The following PRKCE variants were observed in gnomAD, a reference collection of about 807,000 sequenced individuals.
PRKCE encodes protein kinase C epsilon.
Under a neutral mutation model 85.4 loss-of-function variants are expected in PRKCE, and 16 were observed. The observed-to-expected ratio is 0.19, with a 90% CI of 0.13 to 0.28. The LOEUF (loss-of-function observed/expected upper bound fraction) is 0.28. Ranked by LOEUF, PRKCE falls within the 10% of genes least tolerant of loss-of-function variation. PRKCE has a pLI of 1.00. For missense variants in PRKCE, 573 were observed against 975.2 expected, an observed-to-expected ratio of 0.59 and a Z score of 5.49; for synonymous variants, 388 against 371.5, an observed-to-expected ratio of 1.04 and a Z score of -0.51.
rs1170933914 is a variant in PRKCE at position 46,085,736 on chromosome 2, GTTTTTTTT to G, written c.1438-467_1438-460del. ...TCACTTAATTACATCTGCAAAATCC[GTTTTTTTT>G]TTTTGTTTTTGTTTTTTTTTTTTTT... On this transcript the variant is annotated intron_variant, in intron 10 of 14. Coordinates refer to ENST00000306156, the MANE Select transcript of PRKCE (RefSeq NM_005400.3). Among the ~76,000 whole-genome samples the G allele has an allele frequency of 4.3e-4, 45 of 104,564 alleles. 5 individuals carry two copies. The highest frequency in any genetic ancestry group is 2.7e-4 in the Non-Finnish European group (15 of 54,934). 68.6% of individuals were successfully genotyped at this position (104,564 alleles called of 152,430 possible).
chr2:46,119,416 G>A (rs991289362), intron 11 of PRKCE, among the ~76,000 whole-genome samples: 1 of 152,062 alleles, frequency 6.6e-6, no homozygotes, highest in African/African-American at 2.4e-5. Flanking sequence ...AATAAAGTGG[G>A]TGGGGGGAGA....
At chr2:45,773,157 C>G (rs1314044888) in intron 1 of PRKCE, among the ~76,000 whole-genome samples, 1 of 152,158 alleles carries the variant, frequency 6.6e-6, no homozygotes, top group Non-Finnish European at 1.5e-5. Flanking sequence ...GTCATAAACC[C>G]AAGAAGATCC....
chr2:45,865,873 A>AG (rs1261145149), intron 2 of PRKCE, among the ~76,000 whole-genome samples: 2 of 143,096 alleles, frequency 1.4e-5, no homozygotes, highest in East Asian at 4.1e-4. Context: ...GCAGGAGTGC[A>AG]GTGATACAAT....
At chr2:45,769,060 G>T (rs1466106609) in intron 1 of PRKCE, among the ~76,000 whole-genome samples, 1 of 152,186 alleles carries the variant, frequency 6.6e-6, no homozygotes, top group Non-Finnish European at 1.5e-5. Context: ...GATTTAAATT[G>T]TTTGTTGCCA....
At chr2:45,843,143 C>G in intron 2 of PRKCE, 80 bp downstream of exon 2, 1 of 1,239,950 alleles carries the variant, frequency 8.1e-7, no homozygotes, top group Middle Eastern at 2.0e-4. Context: ...CCCCCTTGGC[C>G]GGAACACATT....
intron 2 of PRKCE, among the ~76,000 whole-genome samples, chr2:45,880,936 G>A (rs1038249812): frequency 2.8e-4 from 42 of 152,088 alleles, no homozygotes; most frequent in African/African-American, 8.7e-4. Context: ...GGCGGATCAC[G>A]AGGTCAGGAG....
chr2:46,007,414 G>C (rs1374577374), intron 8 of PRKCE, 48 bp from the exon 9 acceptor site: 6 of 1,578,494 alleles, frequency 3.8e-6, no homozygotes, highest in South Asian at 2.2e-5. Context: ...AATGTAACAG[G>C]CTTAAGAGGT....
intron 11 of PRKCE, among the ~76,000 whole-genome samples, chr2:46,104,670 G>A (rs1671553220): frequency 6.6e-6 from 1 of 152,140 alleles, no homozygotes; most frequent in Non-Finnish European, 1.5e-5. Context: ...AACTTATGAG[G>A]TTCCAGATGG....
intron 5 of PRKCE, among the ~76,000 whole-genome samples, chr2:45,982,187 A>T (rs1008346165): frequency 4.6e-5 from 7 of 151,978 alleles, no homozygotes; most frequent in Non-Finnish European, 5.9e-5. Flanking sequence ...AGTCTCCCTT[A>T]GTGTCAGTGT....
intron 2 of PRKCE, among the ~76,000 whole-genome samples, chr2:45,914,754 A>G (rs904403916): frequency 1.3e-5 from 2 of 152,144 alleles, no homozygotes; most frequent in Admixed American, 6.5e-5. Flanking sequence ...TGTTGCTTTT[A>G]TTGGTTTGGC....
chr2:45,736,184 C>T (rs1185754642), intron 1 of PRKCE, among the ~76,000 whole-genome samples: 1 of 152,194 alleles, frequency 6.6e-6, no homozygotes, highest in Non-Finnish European at 1.5e-5. Context: ...TGGTCTTGAA[C>T]TCCTGGCTTC....
At chr2:46,182,562 C>T (rs905295600) in intron 14 of PRKCE, among the ~76,000 whole-genome samples, 6 of 152,052 alleles carry the variant, frequency 3.9e-5, no homozygotes, top group Non-Finnish European at 5.9e-5. Context: ...CTGTGTGTCC[C>T]CCCCTTCCCC....
chr2:45,963,871 A>G (rs180698034), intron 2 of PRKCE, among the ~76,000 whole-genome samples: 1 of 152,358 alleles, frequency 6.6e-6, no homozygotes, highest in East Asian at 1.9e-4. Context: ...AGTTTGAGGA[A>G]CTAAAAAGTT....
intron 1 of PRKCE, among the ~76,000 whole-genome samples, chr2:45,807,173 A>G (rs1339207632): frequency 2.6e-5 from 4 of 152,206 alleles, no homozygotes; most frequent in African/African-American, 9.6e-5. Context: ...CAGTTTTTTC[A>G]TCTGTAAAAT....
rs934518313 is a variant in PRKCE, at chr2:46,176,116, T to A, written c.2068-8619T>A. On this transcript the variant is annotated intron_variant, in intron 14 of 14. Coordinates refer to ENST00000306156, the MANE Select transcript of PRKCE (RefSeq NM_005400.3). ...AAATGGCAAAAAGCAGACCTGTTATTTTGCCTCCAATTTTCCCCAAAGAGA... is the reference window on the plus strand; with the variant it reads ...AAATGGCAAAAAGCAGACCTGTTATATTGCCTCCAATTTTCCCCAAAGAGA... Among the ~76,000 whole-genome samples, 63 of 152,180 alleles carry A rather than the reference T, an allele frequency of 4.1e-4. 1 individual carries two copies. The highest frequency in any genetic ancestry group is 1.4e-3 in the African/African-American group (60 of 41,434).
At chr2:45,757,814 C>T (rs1277911213) in intron 1 of PRKCE, among the ~76,000 whole-genome samples, 1 of 152,138 alleles carries the variant, frequency 6.6e-6, no homozygotes, top group Non-Finnish European at 1.5e-5. Flanking sequence ...GAAAAAATAG[C>T]CTCAGCGTGC....
rs34134779 is a variant in PRKCE at position 45,910,043 on chromosome 2, GC to G, written c.413-66377del. On this transcript the variant is annotated intron_variant, in intron 2 of 14. Coordinates refer to ENST00000306156, the MANE Select transcript of PRKCE (RefSeq NM_005400.3). ...AATGGCCCTTTCCAGTAAACTCACC[GC>G]CCCCCCCCAGCCAAGTGCCCAGGAA... 2.9e-3 allele frequency among the ~76,000 whole-genome samples: 431 copies of G among 147,952 alleles called. 6 individuals are homozygous for G. Among genetic ancestry groups the G allele is most frequent in the African/African-American group, 0.011 (411 of 38,958 alleles).
chr2:46,102,605 T>C (rs1342168484), intron 11 of PRKCE, among the ~76,000 whole-genome samples: 1 of 152,314 alleles, frequency 6.6e-6, no homozygotes, highest in African/African-American at 2.4e-5. Flanking sequence ...GAATATCATA[T>C]TACATTTAGT....
chr2:45,678,623 T>C (rs1435429707), intron 1 of PRKCE, among the ~76,000 whole-genome samples: 1 of 152,248 alleles, frequency 6.6e-6, no homozygotes, highest in Non-Finnish European at 1.5e-5. Flanking sequence ...GAGAAAAATT[T>C]GGAGGGAACC....
Sources: gnomAD v4.1 joint callset for allele counts (sites outside exome capture counted in the v4.1 genomes callset) on GRCh38, gnomAD v4.1.1 for gene constraint, MANE v1.5 for transcripts, NCBI Gene and HGNC (gene_info 2026-07-23, HGNC 2026-07-21) for gene names.